RNF152: variants seen among roughly 807,000 people sequenced by gnomAD.
The protein encoded by RNF152 is E3 ubiquitin-protein ligase RNF152.
RNF152 carries 11 observed loss-of-function variants against 12.7 expected under a neutral mutation model. That is an observed-to-expected ratio of 0.86 (90% CI 0.54 to 1.43). The LOEUF (loss-of-function observed/expected upper bound fraction) is 1.43. RNF152 is among the 40% of genes most tolerant of loss of function. The probability of loss-of-function intolerance (pLI) is 0.00; values close to 1 mark genes in which losing one functional copy is unlikely to be tolerated. For synonymous variants in RNF152, 113 were observed against 120.3 expected, an observed-to-expected ratio of 0.94 and a Z score of 0.40; for missense variants, 255 against 274.8, an observed-to-expected ratio of 0.93 and a Z score of 0.51.
intron 1 of RNF152, among the ~76,000 whole-genome samples, chr18:61,878,853 T>C (rs1163635740): frequency 4.6e-5 from 7 of 152,186 alleles, no homozygotes; most frequent in Non-Finnish European, 1.0e-4. Context: ...TACCATCATC[T>C]TGGGGTTTAA....
intron 1 of RNF152, among the ~76,000 whole-genome samples, chr18:61,827,839 C>T (rs917996762): frequency 1.3e-5 from 2 of 152,108 alleles, no homozygotes; most frequent in Non-Finnish European, 2.9e-5. Flanking sequence ...GCTGCAGTAA[C>T]TCAATGAGGG....
intron 1 of RNF152, among the ~76,000 whole-genome samples, chr18:61,838,716 T>C (rs1264476919): frequency 6.6e-6 from 1 of 152,182 alleles, no homozygotes; most frequent in Non-Finnish European, 1.5e-5. Flanking sequence ...CCAACAAAGA[T>C]TGATGCACCT....
At position 61,814,516 on chromosome 18, in the gene RNF152, G is replaced by A. The variant is rs1016099751; in HGVS notation, c.*1336C>T. On this transcript the variant is annotated 3_prime_UTR_variant, in exon 2 of 2. Coordinates refer to ENST00000312828, the MANE Select transcript of RNF152 (RefSeq NM_173557.3). ...GTACTTGTAGCAGATCTTTCTTCAT[G>A]AGCATCTATAGATCATTACACATTT... is the stretch of plus-strand genomic sequence containing the variant. 6.6e-6 allele frequency: 1 copy of A among 152,186 alleles called. No individual in the cohort carries two copies. The highest frequency in any genetic ancestry group is 1.5e-5 in the Non-Finnish European group (1 of 68,036). 9.4% of individuals were successfully genotyped at this position (152,186 alleles called of 1,614,324 possible).
At chr18:61,817,823 T>C (rs1388916822) in intron 1 of RNF152, among the ~76,000 whole-genome samples, 1 of 151,912 alleles carries the variant, frequency 6.6e-6, no homozygotes, top group African/African-American at 2.4e-5. Flanking sequence ...AGTTTGGGAA[T>C]GTCCTCTAAC....
rs540727762 is a variant in RNF152, at chr18:61,818,517, A to G, written c.-135-1919T>C. 3.9e-5 allele frequency among the ~76,000 whole-genome samples: 6 copies of G among 152,368 alleles called. No homozygotes were observed. The South Asian group carries it at 1.2e-3, about 32-fold the overall frequency. On this transcript the variant is annotated intron_variant, in intron 1 of 1. Transcript: ENST00000312828. The stretch of plus-strand genomic sequence containing the variant: ...GTTAAAAACTAGTAACAATGAAAAG[A>G]TCAACATACTTTAAAATACATTAGC...
intron 1 of RNF152, among the ~76,000 whole-genome samples, chr18:61,880,429 G>A (rs1157199674): frequency 6.6e-6 from 1 of 152,150 alleles, no homozygotes; most frequent in Non-Finnish European, 1.5e-5. Flanking sequence ...AGACTGCCCA[G>A]GGTCACATAT....
upstream of RNF152, chr18:61,894,224 C>A (rs1436628847): frequency 1.3e-5 from 2 of 151,180 alleles, no homozygotes; most frequent in African/African-American, 4.8e-5. The surrounding 1 kb of genome is among the most constrained non-coding windows in gnomAD (Gnocchi z 4.9). Flanking sequence ...GTGGTCCCGG[C>A]GCGCCCGCTC....
chr18:61,843,400 C>CA (rs1157474538), intron 1 of RNF152, among the ~76,000 whole-genome samples: 1 of 152,162 alleles, frequency 6.6e-6, no homozygotes, highest in East Asian at 1.9e-4. Context: ...GTCAGTTCCT[C>CA]AAAAAATTAA....
chr18:61,859,361 G>A (rs1244399235), intron 1 of RNF152, among the ~76,000 whole-genome samples: 4 of 152,306 alleles, frequency 2.6e-5, no homozygotes, highest in Non-Finnish European at 4.4e-5. Context: ...CTTCAGAAAC[G>A]TCGCATCAGT....
chr18:61,857,092 A>C (rs1306438804), intron 1 of RNF152, among the ~76,000 whole-genome samples: 1 of 152,222 alleles, frequency 6.6e-6, no homozygotes, highest in Non-Finnish European at 1.5e-5. Context: ...GCAGGGGAAC[A>C]GGCATAAAAG....
At chr18:61,849,812 C>T (rs1910892929) in intron 1 of RNF152, among the ~76,000 whole-genome samples, 1 of 152,178 alleles carries the variant, frequency 6.6e-6, no homozygotes, top group African/African-American at 2.4e-5. Context: ...AACCATCCTC[C>T]CGCCTCAGCC....
chr18:61,863,000 A>G (rs1327962892), intron 1 of RNF152, among the ~76,000 whole-genome samples: 1 of 152,160 alleles, frequency 6.6e-6, no homozygotes, highest in Non-Finnish European at 1.5e-5. Flanking sequence ...GTGAGAACAA[A>G]GAAAAAACAG....
At chr18:61,891,241 G>C (rs1912945841) in intron 1 of RNF152, among the ~76,000 whole-genome samples, 1 of 152,116 alleles carries the variant, frequency 6.6e-6, no homozygotes, top group African/African-American at 2.4e-5. Context: ...TGAGGGTGGG[G>C]AGCCTCCTTC....
intron 1 of RNF152, among the ~76,000 whole-genome samples, chr18:61,846,172 G>A (rs1599290622): frequency 6.6e-6 from 1 of 152,114 alleles, no homozygotes; most frequent in African/African-American, 2.4e-5. Flanking sequence ...TATAGCACCT[G>A]AAAGGACAAA....
At chr18:61,824,294 A>G (rs1274740005) in intron 1 of RNF152, among the ~76,000 whole-genome samples, 1 of 152,196 alleles carries the variant, frequency 6.6e-6, no homozygotes, top group Admixed American at 6.5e-5. Flanking sequence ...TCCCCTGACA[A>G]ATGAGGACTC....
intron 1 of RNF152, among the ~76,000 whole-genome samples, chr18:61,833,579 A>G (rs1283836732): frequency 6.6e-6 from 1 of 152,206 alleles, no homozygotes; most frequent in Non-Finnish European, 1.5e-5. Context: ...TGATTTCCTG[A>G]GGAAGTGATT....
chr18:61,875,283 C>T (rs76626540), intron 1 of RNF152, among the ~76,000 whole-genome samples: 4,864 of 152,268 alleles, frequency 0.032, 268 homozygotes, highest in African/African-American at 0.11. Flanking sequence ...TGGAACAGTC[C>T]TTAAGCACCG....
At chr18:61,827,289 G>A (rs1387075799) in intron 1 of RNF152, among the ~76,000 whole-genome samples, 1 of 152,168 alleles carries the variant, frequency 6.6e-6, no homozygotes, top group Non-Finnish European at 1.5e-5. Context: ...CATCAAGAAG[G>A]AACATTGAAT....
chr18:61,825,574 A>C (rs1229869014), intron 1 of RNF152, among the ~76,000 whole-genome samples: 1 of 152,194 alleles, frequency 6.6e-6, no homozygotes, highest in Non-Finnish European at 1.5e-5. Flanking sequence ...CAAGAGATGC[A>C]AGATATTAAG....
Sources: allele counts gnomAD v4.1 joint callset (sites outside exome capture counted in the v4.1 genomes callset), GRCh38; gene constraint gnomAD v4.1.1; non-coding constraint Gnocchi (gnomAD v3.1); transcripts MANE v1.5; gene names NCBI Gene and HGNC (gene_info 2026-07-23, HGNC 2026-07-21).